The following CTDSPL variants were observed in gnomAD, a reference collection of about 807,000 sequenced individuals.
CTDSPL encodes the protein CTD small phosphatase like, also known as CTD small phosphatase-like protein.
In CTDSPL, 8 loss-of-function variants were observed where a neutral mutation model predicts 30.5. The ratio of observed to expected loss-of-function variants is 0.26; its 90% confidence interval spans 0.15 to 0.47. The LOEUF (loss-of-function observed/expected upper bound fraction) is 0.47. Ranked by LOEUF, CTDSPL falls within the 20% of genes least tolerant of loss-of-function variation. The pLI is 0.99. For missense variants in CTDSPL, 248 were observed against 366.1 expected, an observed-to-expected ratio of 0.68 and a Z score of 2.63; for synonymous variants, 110 against 137.9, an observed-to-expected ratio of 0.80 and a Z score of 1.42.
intron 1 of CTDSPL, among the ~76,000 whole-genome samples, chr3:37,930,313 TGCAGCAGTGTAATCATA>T (rs1698838674): frequency 6.6e-6 from 1 of 152,016 alleles, no homozygotes; most frequent in African/African-American, 2.4e-5. Context: ...CAGGCTGGAG[TGCAGCAGTGTAATCATA>T]GTTCACAGCA....
intron 6 of CTDSPL, 96 bp downstream of exon 6, chr3:37,971,595 G>A: frequency 8.8e-7 from 1 of 1,134,120 alleles, no homozygotes; most frequent in East Asian, 2.5e-5. Context: ...GTTTTGGTGG[G>A]GGAAGCCATT....
At chr3:37,903,492 G>A (rs1184895170) in intron 1 of CTDSPL, among the ~76,000 whole-genome samples, 1 of 152,186 alleles carries the variant, frequency 6.6e-6, no homozygotes, top group Non-Finnish European at 1.5e-5. Context: ...GTGAACTTAT[G>A]TTCATTGACC....
Position 37,983,184 on chromosome 3 carries a change from G to C in CTDSPL, c.*2317G>C, listed in dbSNP as rs73058996. The C allele has an allele frequency of 1.3e-5, 2 of 152,468 alleles. No individual in the cohort carries two copies. Among genetic ancestry groups the C allele is most frequent in the East Asian group, 3.9e-4 (2 of 5,188 alleles). 9.4% of individuals were successfully genotyped at this position (152,468 alleles called of 1,614,324 possible). A position where few individuals can be genotyped will look rare whatever the true frequency, so the allele number is the denominator to read the frequency against. ...CAGAATGTCTGGAGAGGGCCAGCAG[G>C]CCCTCTGAGGGTTCTGGAATCTGTG... On this transcript the variant is annotated 3_prime_UTR_variant, in exon 8 of 8. Coordinates refer to ENST00000273179, the MANE Select transcript of CTDSPL (RefSeq NM_001008392.2).
chr3:37,970,028 C>T (rs1241256742), intron 5 of CTDSPL, among the ~76,000 whole-genome samples: 1 of 152,194 alleles, frequency 6.6e-6, no homozygotes, highest in Non-Finnish European at 1.5e-5. Flanking sequence ...CCCACTGTGA[C>T]CTGCCTCTCA....
At chr3:37,886,536 A>G (rs961192249) in intron 1 of CTDSPL, among the ~76,000 whole-genome samples, 3 of 152,184 alleles carry the variant, frequency 2.0e-5, no homozygotes, top group Admixed American at 2.0e-4. Context: ...AGGCTTAGGT[A>G]GGAAGCACAG....
At chr3:37,950,608 G>C (rs1375587286) in intron 2 of CTDSPL, among the ~76,000 whole-genome samples, 1 of 152,204 alleles carries the variant, frequency 6.6e-6, no homozygotes, top group Non-Finnish European at 1.5e-5. Context: ...GAGAACAGCA[G>C]GCATCTAGGA....
chr3:37,967,120 G>A (rs1235318414), intron 4 of CTDSPL, among the ~76,000 whole-genome samples: 1 of 152,246 alleles, frequency 6.6e-6, no homozygotes, highest in African/African-American at 2.4e-5. Context: ...AGCAGGCATA[G>A]GGTGGGCTGG....
chr3:37,889,884 T>G lies in CTDSPL; in HGVS notation c.79+27606T>G, dbSNP rs116173492. ...GGGTAAGTTATTTTCCGTTTAGAATTTTATATACAGTTGAACTTTCAATCA... is the reference window on the plus strand; with the variant it reads ...GGGTAAGTTATTTTCCGTTTAGAATGTTATATACAGTTGAACTTTCAATCA... On this transcript the variant is annotated intron_variant, in intron 1 of 7. Transcript: ENST00000273179. 7.0e-3 allele frequency among the ~76,000 whole-genome samples: 1,072 copies of G among 152,294 alleles called. 10 individuals carry two copies. Among genetic ancestry groups the G allele is most frequent in the African/African-American group, 0.024 (993 of 41,556 alleles).
chr3:37,882,508 T>G, intron 1 of CTDSPL, among the ~76,000 whole-genome samples: 1 of 151,166 alleles, frequency 6.6e-6, no homozygotes, highest in East Asian at 1.9e-4. Context: ...ACCCAGCTAC[T>G]TAGGAGGCTG....
At chr3:37,899,561 T>C (rs1279539222) in intron 1 of CTDSPL, among the ~76,000 whole-genome samples, 2 of 152,130 alleles carry the variant, frequency 1.3e-5, no homozygotes, top group Non-Finnish European at 2.9e-5. Context: ...ACTGAGAGAC[T>C]GATGATGTGG....
intron 1 of CTDSPL, among the ~76,000 whole-genome samples, chr3:37,896,172 C>G (rs1255382686): frequency 1.1e-4 from 17 of 152,168 alleles, no homozygotes; most frequent in Admixed American, 9.8e-4. Context: ...AACTTGCAGC[C>G]TAACGAAGGA....
chr3:37,972,326 G>T (rs963622121), intron 6 of CTDSPL, among the ~76,000 whole-genome samples: 1 of 152,010 alleles, frequency 6.6e-6, no homozygotes, highest in African/African-American at 2.4e-5. Flanking sequence ...GTGAAATCCC[G>T]TCTCAAAATA....
chr3:37,951,105 T>G (rs986370567), intron 2 of CTDSPL, among the ~76,000 whole-genome samples: 1 of 152,166 alleles, frequency 6.6e-6, no homozygotes, highest in Non-Finnish European at 1.5e-5. Flanking sequence ...CAATGGCTCA[T>G]TCCCGTAATC....
At chr3:37,899,384 T>G (rs1698423746) in intron 1 of CTDSPL, among the ~76,000 whole-genome samples, 1 of 152,188 alleles carries the variant, frequency 6.6e-6, no homozygotes, top group South Asian at 2.1e-4. Context: ...GGGGCCATGC[T>G]GCAGTCTGTA....
intron 1 of CTDSPL, among the ~76,000 whole-genome samples, chr3:37,886,306 C>T (rs1575282059): frequency 6.6e-6 from 1 of 152,158 alleles, no homozygotes; most frequent in East Asian, 1.9e-4. Flanking sequence ...TTTACTTAGA[C>T]ATGCCTTCCC....
chr3:37,948,852 C>T (rs1346135413), intron 2 of CTDSPL, among the ~76,000 whole-genome samples: 1 of 118,432 alleles, frequency 8.4e-6, no homozygotes, highest in East Asian at 2.4e-4. Context: ...CTCGCTCTGT[C>T]GCCCAGGCCG....
intron 1 of CTDSPL, among the ~76,000 whole-genome samples, chr3:37,885,074 T>C (rs546385961): frequency 4.1e-4 from 62 of 152,152 alleles, no homozygotes; most frequent in Non-Finnish European, 7.1e-4. Context: ...TCACAGAGCT[T>C]CAGAGGATGA....
chr3:37,905,604 T>C (rs1442425348), intron 1 of CTDSPL, among the ~76,000 whole-genome samples: 2 of 152,222 alleles, frequency 1.3e-5, no homozygotes, highest in African/African-American at 2.4e-5. Flanking sequence ...CCCTCCCTCC[T>C]TGTGCCACAG....
chr3:37,890,985 T>C (rs1330519113), intron 1 of CTDSPL, among the ~76,000 whole-genome samples: 1 of 152,204 alleles, frequency 6.6e-6, no homozygotes, highest in Non-Finnish European at 1.5e-5. Context: ...ATGACAATTC[T>C]ACTTCACTGT....
Sources: gnomAD v4.1 joint callset for allele counts (sites outside exome capture counted in the v4.1 genomes callset) on GRCh38, gnomAD v4.1.1 for gene constraint, MANE v1.5 for transcripts, NCBI Gene and HGNC (gene_info 2026-07-23, HGNC 2026-07-21) for gene names.